Variants in SLC16A7 observed in about 807,000 individuals in gnomAD.
SLC16A7 encodes the protein monocarboxylate transporter 2.
A neutral mutation model predicts 34.9 loss-of-function variants in SLC16A7; 33 were observed. The ratio of observed to expected loss-of-function variants is 0.94; its 90% CI spans 0.72 to 1.26. The LOEUF (loss-of-function observed/expected upper bound fraction) is 1.26, where lower values mean the gene tolerates loss of function less well. SLC16A7 is among the 50% of genes most tolerant of loss of function. SLC16A7 has a pLI of 0.00. For synonymous variants in SLC16A7, 201 were observed against 206.6 expected, an observed-to-expected ratio of 0.97 and a Z score of 0.23; for missense variants, 573 against 578.1, an observed-to-expected ratio of 0.99 and a Z score of 0.09.
chr12:59,624,734 TTAGTTG>T, intron 1 of SLC16A7, among the ~76,000 whole-genome samples: 1 of 146,828 alleles, frequency 6.8e-6, no homozygotes, highest in Admixed American at 6.8e-5. Context: ...CTTTGCATTG[TTAGTTG>T]TGTGTGTGTG....
At chr12:59,778,050 CATT>C (rs1408621151) in intron 5 of SLC16A7, among the ~76,000 whole-genome samples, 2 of 151,952 alleles carry the variant, frequency 1.3e-5, no homozygotes, top group African/African-American at 4.8e-5. Flanking sequence ...TCCAATCTAT[CATT>C]GTTGGACATT....
rs573640619 is a variant in SLC16A7, at chr12:59,607,839, G to T, written c.-130+11603G>T. Reference sequence around the variant, plus strand: ...ATTTTTGTAACAGCATTAGGAAACAGATGTATCAAATAATTGACATAAGTC... The same window carrying T: ...ATTTTTGTAACAGCATTAGGAAACATATGTATCAAATAATTGACATAAGTC... On this transcript the variant is annotated intron_variant, in intron 1 of 5. Transcript: ENST00000547379. Among the ~76,000 whole-genome samples, 58 of 152,230 alleles carry T rather than the reference G, an allele frequency of 3.8e-4. 2 individuals carry two copies. The highest frequency in any genetic ancestry group is 1.3e-3 in the African/African-American group (54 of 41,552).
chr12:59,752,256 A>C (rs559700584), intron 3 of SLC16A7, among the ~76,000 whole-genome samples: 2 of 152,210 alleles, frequency 1.3e-5, no homozygotes, highest in East Asian at 3.8e-4. Flanking sequence ...CTGGACGGAG[A>C]ATGACTTTGA....
rs184393773 is a variant in SLC16A7, at chr12:59,610,309, G to A, written c.-130+14073G>A. The stretch of plus-strand genomic sequence containing the variant: ...GCAAACTTAAAAGAATGAGAAAAAT[G>A]TTGGCAATACTTTACTTTGTGACTC... On this transcript the variant is annotated intron_variant, in intron 1 of 5. Transcript: ENST00000547379. Among the ~76,000 whole-genome samples the A allele has an allele frequency of 4.5e-4, 69 of 152,276 alleles. 6 individuals carry two copies. In the South Asian group the frequency reaches 7.0e-3, roughly 16 times the overall value.
intron 5 of SLC16A7, among the ~76,000 whole-genome samples, chr12:59,776,389 T>TA (rs1882760995): frequency 6.6e-6 from 1 of 152,226 alleles, no homozygotes; most frequent in Non-Finnish European, 1.5e-5. Context: ...ATTTTGAAGT[T>TA]AAAACTTTGT....
At chr12:59,693,568 T>C (rs959732004) in intron 2 of SLC16A7, among the ~76,000 whole-genome samples, 1 of 151,884 alleles carries the variant, frequency 6.6e-6, no homozygotes, top group African/African-American at 2.4e-5. Context: ...TGAAGGTCAC[T>C]CTTGTAAACA....
rs952080975 is a variant in SLC16A7, at chr12:59,688,224, A to G, written c.-30-16548A>G. On this transcript the variant is annotated intron_variant, in intron 2 of 5. Transcript: ENST00000547379. ...GTCATTGGGGAAGCACATAGCTGGA[A>G]TGGTGGAGGCAGAAAACCCAGGCAA... 2.6e-5 allele frequency among the ~76,000 whole-genome samples: 4 copies of G among 152,028 alleles called. No individual in the cohort carries two copies. The East Asian group carries it at 7.7e-4, about 29-fold the overall frequency.
intron 3 of SLC16A7, among the ~76,000 whole-genome samples, chr12:59,766,316 G>A (rs924861660): frequency 4.6e-5 from 7 of 151,904 alleles, no homozygotes; most frequent in East Asian, 1.9e-4. Context: ...ATTGAATGCC[G>A]TTTATTTCCT....
At chr12:59,695,673 G>A (rs751368756) in intron 2 of SLC16A7, among the ~76,000 whole-genome samples, 1 of 151,992 alleles carries the variant, frequency 6.6e-6, no homozygotes, top group Non-Finnish European at 1.5e-5. Context: ...CTTTAGAATA[G>A]GTGGCCCTGG....
rs1402510025 is a variant in SLC16A7, at chr12:59,780,406, T to A, written c.*727T>A. On this transcript the variant is annotated 3_prime_UTR_variant, in exon 6 of 6. Coordinates refer to ENST00000547379, the MANE Select transcript of SLC16A7 (RefSeq NM_001270623.2). Reference sequence around the variant, plus strand: ...TTGACAAAGAAAAGAAAATCAATGTTAAACCATTAAATCTGAGCACTGTTA... The same window carrying A: ...TTGACAAAGAAAAGAAAATCAATGTAAAACCATTAAATCTGAGCACTGTTA... 1.3e-5 allele frequency: 2 copies of A among 152,078 alleles called. No individual in the cohort carries two copies. Among genetic ancestry groups the A allele is most frequent in the Admixed American group, 6.6e-5 (1 of 15,212 alleles). The allele number at this position is 152,078 out of a possible 1,614,324, so 9.4% of individuals were successfully genotyped here. A position where few individuals can be genotyped will look rare whatever the true frequency, so the allele number is the denominator to read the frequency against.
At chr12:59,646,617 C>T (rs1450590230) in intron 1 of SLC16A7, among the ~76,000 whole-genome samples, 4 of 152,120 alleles carry the variant, frequency 2.6e-5, no homozygotes, top group African/African-American at 9.7e-5. Context: ...CACAGAGACC[C>T]CACAGGGGCA....
At chr12:59,709,277 A>G (rs1565663978) in intron 3 of SLC16A7, among the ~76,000 whole-genome samples, 1 of 151,494 alleles carries the variant, frequency 6.6e-6, no homozygotes, top group Non-Finnish European at 1.5e-5. Flanking sequence ...CTTTGTCTCC[A>G]TGGTAACTTA....
chr12:59,617,368 C>A (rs779146034), intron 1 of SLC16A7, among the ~76,000 whole-genome samples: 1 of 151,940 alleles, frequency 6.6e-6, no homozygotes, highest in Non-Finnish European at 1.5e-5. Context: ...TAGAAATTTT[C>A]AAGCTTATGT....
chr12:59,735,320 G>C (rs1029633994), intron 3 of SLC16A7, among the ~76,000 whole-genome samples: 4 of 152,094 alleles, frequency 2.6e-5, no homozygotes, highest in African/African-American at 7.2e-5. Context: ...ATTTTCATGT[G>C]CTCTGACTGA....
chr12:59,712,016 A>G (rs1430596441), intron 3 of SLC16A7, among the ~76,000 whole-genome samples: 1 of 152,234 alleles, frequency 6.6e-6, no homozygotes, highest in Non-Finnish European at 1.5e-5. Context: ...TTTACCTTGG[A>G]CACAGTTTCC....
At chr12:59,771,926 C>T (rs1280430739) in intron 4 of SLC16A7, among the ~76,000 whole-genome samples, 1 of 152,136 alleles carries the variant, frequency 6.6e-6, no homozygotes, top group African/African-American at 2.4e-5. Flanking sequence ...GTGAGCCACA[C>T]TTTCTTCTAA....
In SLC16A7 at chr12:59,780,213, AT is replaced by A. The variant is rs1295639981; in HGVS notation, c.*535del. The A allele has an allele frequency of 1.3e-5, 2 of 152,224 alleles. No homozygotes were observed. Among genetic ancestry groups the A allele is most frequent in the African/African-American group, 4.8e-5 (2 of 41,560 alleles). The allele number at this position is 152,224 out of a possible 1,614,324, so 9.4% of individuals were successfully genotyped here. On this transcript the variant is annotated 3_prime_UTR_variant, in exon 6 of 6. Transcript: ENST00000547379. ...ATAAAACCCAAATTCAAAAAAAAAAATGATAATTTATTTTTAAGGTAAAAAT... is the reference window on the plus strand; with the variant it reads ...ATAAAACCCAAATTCAAAAAAAAAAAGATAATTTATTTTTAAGGTAAAAAT...
intron 3 of SLC16A7, among the ~76,000 whole-genome samples, chr12:59,714,954 C>T (rs1450787673): frequency 1.3e-5 from 2 of 152,168 alleles, no homozygotes; most frequent in East Asian, 1.9e-4. Flanking sequence ...ATTACCTCCT[C>T]AATGGTCTTA....
chr12:59,744,661 G>A (rs527552528), intron 3 of SLC16A7, among the ~76,000 whole-genome samples: 1 of 152,244 alleles, frequency 6.6e-6, no homozygotes, highest in South Asian at 2.1e-4. Flanking sequence ...AAGGCAGAGG[G>A]CCCACTGAGC....
Sources: allele counts gnomAD v4.1 joint callset (sites outside exome capture counted in the v4.1 genomes callset), GRCh38; gene constraint gnomAD v4.1.1; transcripts MANE v1.5; gene names NCBI Gene and HGNC (gene_info 2026-07-23, HGNC 2026-07-21).